Variants in MDGA2 observed in about 807,000 individuals in gnomAD.
MDGA2 encodes the protein MAM domain-containing glycosylphosphatidylinositol anchor protein 2.
A neutral mutation model predicts 117.8 loss-of-function variants in MDGA2; 40 were observed. That is an observed-to-expected ratio of 0.34 (90% CI 0.26 to 0.44). The LOEUF is 0.44. Ranked by LOEUF, MDGA2 falls within the 20% of genes least tolerant of loss-of-function variation. The probability of loss-of-function intolerance (pLI) is 1.00; values close to 1 mark genes in which losing one functional copy is unlikely to be tolerated. For synonymous variants in MDGA2, 452 were observed against 439.0 expected, an observed-to-expected ratio of 1.03 and a Z score of -0.37; for missense variants, 1,123 against 1,250.6, an observed-to-expected ratio of 0.90 and a Z score of 1.54.
intron 3 of MDGA2, among the ~76,000 whole-genome samples, chr14:47,215,230 C>A (rs1360553194): frequency 6.6e-6 from 1 of 151,722 alleles, no homozygotes; most frequent in Non-Finnish European, 1.5e-5. Flanking sequence ...AGCAAAAGTA[C>A]CTGAAATAAA....
At chr14:47,440,164 A>C (rs1594857613) in intron 1 of MDGA2, among the ~76,000 whole-genome samples, 1 of 151,962 alleles carries the variant, frequency 6.6e-6, no homozygotes, top group South Asian at 2.1e-4. Context: ...TCCCAACAGC[A>C]TACCCCTGAG....
intron 1 of MDGA2, among the ~76,000 whole-genome samples, chr14:47,386,662 G>A (rs1230987139): frequency 6.6e-6 from 1 of 152,168 alleles, no homozygotes. Context: ...AATACCTGTT[G>A]AAGCTAGCCT....
At chr14:47,321,038 C>T (rs1293667669) in intron 1 of MDGA2, among the ~76,000 whole-genome samples, 3 of 152,226 alleles carry the variant, frequency 2.0e-5, no homozygotes, top group African/African-American at 4.8e-5. Context: ...AGGATATGAC[C>T]GTTCTAGGAA....
chr14:47,570,326 G>A (rs905083586), intron 1 of MDGA2, among the ~76,000 whole-genome samples: 3 of 151,984 alleles, frequency 2.0e-5, no homozygotes, highest in Non-Finnish European at 4.4e-5. Context: ...CCAACCTAAC[G>A]TGAACATTCT....
intron 1 of MDGA2, among the ~76,000 whole-genome samples, chr14:47,590,808 GAATAA>G (rs1896423334): frequency 6.6e-6 from 1 of 151,660 alleles, no homozygotes; most frequent in Admixed American, 6.6e-5. Context: ...TTTCTGAATA[GAATAA>G]AATAAAGAAA....
chr14:47,369,146 T>G (rs887258108), intron 1 of MDGA2, among the ~76,000 whole-genome samples: 1 of 152,144 alleles, frequency 6.6e-6, no homozygotes, highest in Non-Finnish European at 1.5e-5. Flanking sequence ...GCTGGATATA[T>G]AGTTTTGCAA....
chr14:47,262,493 T>G (rs75324743), intron 2 of MDGA2, among the ~76,000 whole-genome samples: 2 of 152,190 alleles, frequency 1.3e-5, no homozygotes, highest in African/African-American at 4.8e-5. Flanking sequence ...TATTAAATAG[T>G]ATGTGCATTG....
intron 13 of MDGA2, 43 bp from the exon 14 acceptor site, chr14:46,873,634 G>C (rs2138365026): frequency 6.6e-7 from 1 of 1,515,552 alleles, no homozygotes; most frequent in Non-Finnish European, 8.9e-7. Context: ...ATTATTCTTA[G>C]GCATAATGAA....
chr14:47,653,700 A>T (rs571466877), intron 1 of MDGA2, among the ~76,000 whole-genome samples: 8 of 152,144 alleles, frequency 5.3e-5, no homozygotes, highest in Non-Finnish European at 1.2e-4. Context: ...GGACATCCTG[A>T]ATTATCAGGG....
intron 9 of MDGA2, among the ~76,000 whole-genome samples, chr14:46,949,152 G>C (rs1400419309): frequency 6.6e-6 from 1 of 151,980 alleles, no homozygotes; most frequent in Admixed American, 6.6e-5. Context: ...AGGAAGCAAG[G>C]CCACAAAGAA....
chr14:47,614,847 T>C (rs969229801), intron 1 of MDGA2, among the ~76,000 whole-genome samples: 21 of 152,346 alleles, frequency 1.4e-4, no homozygotes, highest in African/African-American at 5.1e-4. Flanking sequence ...TTCTATAATA[T>C]GGTGCCAATA....
intron 1 of MDGA2, among the ~76,000 whole-genome samples, chr14:47,354,753 T>C (rs1890955649): frequency 6.6e-6 from 1 of 152,210 alleles, no homozygotes; most frequent in African/African-American, 2.4e-5. Context: ...AAACCCTGTC[T>C]TTGGCTGGTT....
intron 8 of MDGA2, 79 bp from the exon 9 acceptor site, chr14:46,957,722 T>C: frequency 6.7e-7 from 1 of 1,502,568 alleles, no homozygotes; most frequent in Non-Finnish European, 9.1e-7. Context: ...GAAGAAGCCA[T>C]TTGCAGTAAC....
rs78843976 is a variant in MDGA2 at position 47,654,157 on chromosome 14, C to T, written c.280+20360G>A. Among the ~76,000 whole-genome samples, 2,155 of 152,234 alleles carry T rather than the reference C, an allele frequency of 0.014. 154 individuals carry two copies. In the East Asian group the frequency reaches 0.22, roughly 16 times the overall value. The stretch of plus-strand genomic sequence containing the variant: ...AAATTCCTTAGGTTCAGGTACAGAA[C>T]TTAATTATAAGAGCAAAGCTCTAGA... On this transcript the variant is annotated intron_variant, in intron 1 of 16. Transcript: ENST00000399232.
intron 9 of MDGA2, among the ~76,000 whole-genome samples, chr14:46,945,197 G>T (rs1012398826): frequency 6.6e-6 from 1 of 152,032 alleles, no homozygotes; most frequent in African/African-American, 2.4e-5. Flanking sequence ...GAAATCTGTG[G>T]AAATCCAAGG....
intron 2 of MDGA2, among the ~76,000 whole-genome samples, chr14:47,221,809 AT>A (rs1480559712): frequency 6.6e-6 from 1 of 151,912 alleles, no homozygotes; most frequent in Admixed American, 6.5e-5. Context: ...TATACATTTA[AT>A]TTTTATTTTA....
intron 1 of MDGA2, among the ~76,000 whole-genome samples, chr14:47,611,058 T>C (rs1034133919): frequency 6.6e-6 from 1 of 151,638 alleles, no homozygotes; most frequent in Non-Finnish European, 1.5e-5. Context: ...TAAACCCAAA[T>C]ACTTACAGCC....
At chr14:47,508,245 T>C (rs994610684) in intron 1 of MDGA2, among the ~76,000 whole-genome samples, 1 of 152,228 alleles carries the variant, frequency 6.6e-6, no homozygotes, top group Non-Finnish European at 1.5e-5. Flanking sequence ...CTGTTTGCTC[T>C]ATTTTTACTA....
chr14:47,160,716 G>A (rs1421430809), intron 3 of MDGA2, among the ~76,000 whole-genome samples: 1 of 152,150 alleles, frequency 6.6e-6, no homozygotes, highest in East Asian at 1.9e-4. Flanking sequence ...ATAAAACTCT[G>A]CTGGGATTGT....
Sources: gnomAD v4.1 joint callset for allele counts (sites outside exome capture counted in the v4.1 genomes callset) on GRCh38, gnomAD v4.1.1 for gene constraint, MANE v1.5 for transcripts, NCBI Gene and HGNC (gene_info 2026-07-23, HGNC 2026-07-21) for gene names.